The following SCN1A variants were observed in gnomAD, a reference collection of about 807,000 sequenced individuals.
SCN1A encodes sodium channel protein type 1 subunit alpha.
Under a neutral mutation model 193.7 loss-of-function variants are expected in SCN1A, and 13 were observed. The observed-to-expected ratio is 0.07, with a 90% CI of 0.04 to 0.11. The LOEUF is 0.11. Among genes scored for constraint, SCN1A ranks in the 10% least tolerant of loss-of-function variants. The pLI, the probability that SCN1A is intolerant of heterozygous loss-of-function variation, is 1.00. For synonymous variants in SCN1A, 781 were observed against 843.6 expected (o/e 0.93, Z 1.29); for missense variants, 1,432 against 2,451.1 (o/e 0.58, Z 8.78).
At chr2:166,027,594 A>G (rs1285626966) in intron 19 of SCN1A, among the ~76,000 whole-genome samples, 2 of 151,080 alleles carry the variant, frequency 1.3e-5, no homozygotes, top group African/African-American at 4.9e-5. Flanking sequence ...ATATGTGTGT[A>G]CATATATATT....
At position 166,022,133 on chromosome 2, in the gene SCN1A, A is replaced by G. The variant is rs138005424; in HGVS notation, c.3430-6406T>C. ...ATTGGAAAACCATAATTGAATCAAA[A>G]TTTGGGGAAATGCATGCCCAAATTT... On this transcript the variant is annotated intron_variant, in intron 19 of 28. Transcript: ENST00000674923. Among the ~76,000 whole-genome samples the G allele has an allele frequency of 6.4e-3, 971 of 152,270 alleles. 15 individuals carry two copies. Among genetic ancestry groups the G allele is most frequent in the African/African-American group, 0.022 (927 of 41,554 alleles).
chr2:166,063,625 C>T (rs1160472309), intron 4 of SCN1A, among the ~76,000 whole-genome samples: 1 of 151,924 alleles, frequency 6.6e-6, no homozygotes, highest in Non-Finnish European at 1.5e-5. Flanking sequence ...ATGAAGGTTA[C>T]CTTGACCAGC....
intron 1 of SCN1A, 63 bp from the exon 2 acceptor site, chr2:166,127,073 G>A (rs976581453): frequency 2.0e-5 from 3 of 152,218 alleles, no homozygotes; most frequent in Non-Finnish European, 4.4e-5. Context: ...TGCTGGTTGT[G>A]ACCTCTGTCT....
chr2:166,070,236 C>T (rs542193264), intron 4 of SCN1A, among the ~76,000 whole-genome samples: 86 of 152,270 alleles, frequency 5.6e-4, no homozygotes, highest in Admixed American at 1.1e-3. Flanking sequence ...GTGTTCTAAG[C>T]ACACCATGTT....
chr2:166,001,421 C>T (rs1690817494), intron 24 of SCN1A, among the ~76,000 whole-genome samples: 1 of 151,778 alleles, frequency 6.6e-6, no homozygotes, highest in Non-Finnish European at 1.5e-5. Context: ...TCATAGTTGA[C>T]ACCTCTGGAA....
At chr2:166,014,837 G>A (rs1421691573) in intron 20 of SCN1A, among the ~76,000 whole-genome samples, 1 of 151,718 alleles carries the variant, frequency 6.6e-6, no homozygotes, top group East Asian at 1.9e-4. Context: ...ATAGGATAAT[G>A]TATATTATCG....
chr2:165,991,111 C>T lies in SCN1A; in HGVS notation c.*134G>A, dbSNP rs1573939056. ...CAAGGGGTCACTGTCTTATTGTAGG[C>T]ACTGACCTTAAGGAGATTTGTGTAA... On this transcript the variant is annotated 3_prime_UTR_variant, in exon 29 of 29. Transcript: ENST00000674923. 1 of 750,730 alleles carries T rather than the reference C, an allele frequency of 1.3e-6. No homozygotes were observed. The highest frequency in any genetic ancestry group is 2.2e-6 in the Non-Finnish European group (1 of 462,394). The allele number at this position is 750,730 out of a possible 1,614,324, so 46.5% of individuals were successfully genotyped here.
chr2:166,123,374 A>G (rs1175420636), intron 2 of SCN1A: 3 of 151,990 alleles, frequency 2.0e-5, no homozygotes, highest in Non-Finnish European at 4.4e-5. Context: ...TCAGTGTATC[A>G]TTTCTGGAGG....
At position 166,013,884 on chromosome 2, in the gene SCN1A, A is replaced by G. The variant is rs1692897012; in HGVS notation, c.3565T>C (p.Phe1189Leu). ...TCCACATTGATTTGACAACACTTGA[A>G]TCTTTGTACACAGCCTGCAGAAAGT... Reference protein sequence around the residue: ...ACFTEGCVQRFKCCQINVEEG... With the variant: ...ACFTEGCVQRLKCCQINVEEG... The change falls in exon 21 of 29, where the codon TTC becomes CTC. Residue 1189 changes from phenylalanine (F) to leucine (L), a missense_variant. Around this residue, in one of 18 missense-constraint regions of SCN1A, gnomAD observed 198 missense variants for 225.8 expected, o/e 0.88. Coordinates refer to ENST00000674923, the MANE Select transcript of SCN1A (RefSeq NM_001165963.4). 5.0e-6 allele frequency: 8 copies of G among 1,611,720 alleles called. No homozygotes were observed. Among genetic ancestry groups the G allele is most frequent in the Non-Finnish European group, 6.8e-6 (8 of 1,178,438 alleles).
chr2:166,025,659 A>G (rs569255094), intron 19 of SCN1A, among the ~76,000 whole-genome samples: 30 of 152,294 alleles, frequency 2.0e-4, no homozygotes, highest in African/African-American at 7.0e-4. Flanking sequence ...CTGATACACC[A>G]AAGTTTGTGT....
At chr2:166,002,425 A>C in intron 24 of SCN1A, 47 bp downstream of exon 24, 1 of 1,542,686 alleles carries the variant, frequency 6.5e-7, no homozygotes, top group Non-Finnish European at 8.9e-7. Flanking sequence ...TTATTTTGTT[A>C]TTATTCCAAA....
rs1559235289 is a variant in SCN1A, at chr2:166,050,641, G to GTA, written c.964+1077_964+1078insTA. Among the ~76,000 whole-genome samples, 177 of 92,844 alleles carry GTA rather than the reference G, an allele frequency of 1.9e-3. 3 individuals are homozygous for GTA. The highest frequency in any genetic ancestry group is 7.1e-3 in the African/African-American group (167 of 23,586). The allele number at this position is 92,844 out of a possible 152,430, so 60.9% of individuals were successfully genotyped here. Reference sequence around the variant, plus strand: ...TATATATATATATATATATATATGTGTGTATATATTTTTTTTTTGTAGAGA... The same window carrying GTA: ...TATATATATATATATATATATATGTGTATGTATATATTTTTTTTTTGTAGAGA... On this transcript the variant is annotated intron_variant, in intron 9 of 28. Coordinates refer to ENST00000674923, the MANE Select transcript of SCN1A (RefSeq NM_001165963.4).
upstream of SCN1A, among the ~76,000 whole-genome samples, chr2:166,130,335 C>T (rs778334934): frequency 3.3e-5 from 5 of 152,148 alleles, no homozygotes; most frequent in Admixed American, 6.6e-5. Context: ...TAAGTAACAT[C>T]GGCAAACAAA....
Position 166,148,361 on chromosome 2 carries a change from TGA to T in SCN1A, c.-50+684_-50+685del, listed in dbSNP as rs1376873516. ...CTAATTGCTGAGGCAGGACACAGTGTGAGAGTCTAAAACAGAATCAGCGCTAT... is the reference window on the plus strand; with the variant it reads ...CTAATTGCTGAGGCAGGACACAGTGTGAGTCTAAAACAGAATCAGCGCTAT... On this transcript the variant is annotated intron_variant, in intron 1 of 26. Transcript: ENST00000635750. Among the ~76,000 whole-genome samples the T allele has an allele frequency of 5.3e-5, 8 of 152,246 alleles. No individual in the cohort carries two copies. In the East Asian group the frequency reaches 9.6e-4, roughly 18 times the overall value.
intron 2 of SCN1A, among the ~76,000 whole-genome samples, chr2:166,090,694 C>G (rs1490618917): frequency 2.0e-5 from 3 of 152,138 alleles, no homozygotes; most frequent in Non-Finnish European, 4.4e-5. Context: ...CCCCTTTTCA[C>G]CTCCCATGGT....
chr2:166,031,912 C>G (rs929803657), intron 19 of SCN1A, among the ~76,000 whole-genome samples: 1 of 152,046 alleles, frequency 6.6e-6, no homozygotes, highest in Non-Finnish European at 1.5e-5. Context: ...GTATCTGGCT[C>G]CAGAGTATAA....
At chr2:166,035,446 T>C (rs1204875695) in intron 19 of SCN1A, among the ~76,000 whole-genome samples, 2 of 152,268 alleles carry the variant, frequency 1.3e-5, no homozygotes, top group African/African-American at 4.8e-5. Context: ...AAATTTTACA[T>C]GATGTCAAAA....
intron 11 of SCN1A, 124 bp from the exon 12 acceptor site, chr2:166,047,100 C>T: frequency 7.5e-6 from 8 of 1,062,052 alleles, no homozygotes; most frequent in Admixed American, 2.4e-5. Flanking sequence ...GGTCATAGCA[C>T]CCTGTACTTT....
At position 166,110,443 on chromosome 2, in the gene SCN1A, T is replaced by C. The variant is rs148482353; in HGVS notation, c.-142+16481A>G. Among the ~76,000 whole-genome samples, 86 of 152,318 alleles carry C rather than the reference T, an allele frequency of 5.6e-4. 1 individual carries two copies. The East Asian group carries it at 0.015, about 27-fold the overall frequency. ...ATGATAAGAAAGTAAAATGGCTTTATTGCTGATATGAAGAAAGTCTGAACA... is the reference window on the plus strand; with the variant it reads ...ATGATAAGAAAGTAAAATGGCTTTACTGCTGATATGAAGAAAGTCTGAACA... On this transcript the variant is annotated intron_variant, in intron 2 of 28. Transcript: ENST00000674923.
Sources: gnomAD v4.1 joint callset for allele counts (sites outside exome capture counted in the v4.1 genomes callset) on GRCh38, gnomAD v4.1.1 for gene constraint, gnomAD v4.1.1 regional missense constraint, MANE v1.5 for transcripts, NCBI Gene and HGNC (gene_info 2026-07-23, HGNC 2026-07-21) for gene names.